TMED3: variants seen among roughly 807,000 people sequenced by gnomAD.
TMED3 encodes the protein transmembrane emp24 domain-containing protein 3.
In TMED3, 9 loss-of-function variants were observed where a neutral mutation model predicts 15.0. That is an observed-to-expected ratio of 0.60 (90% CI 0.36 to 1.04). The LOEUF (loss-of-function observed/expected upper bound fraction) is 1.04, where lower values mean the gene tolerates loss of function less well. Ranked by LOEUF, TMED3 falls within the 50% of genes least tolerant of loss-of-function variation. TMED3 has a pLI of 0.01. For missense variants in TMED3, 267 were observed against 278.9 expected, an observed-to-expected ratio of 0.96 and a Z score of 0.30; for synonymous variants, 117 against 121.4, an observed-to-expected ratio of 0.96 and a Z score of 0.24.
intron 2 of TMED3, among the ~76,000 whole-genome samples, chr15:79,375,423 G>A (rs958453959): frequency 8.5e-5 from 13 of 152,140 alleles, no homozygotes; most frequent in Admixed American, 4.6e-4. Flanking sequence ...ATCTGGAGAG[G>A]TTAGAGTTTA....
chr15:79,403,558 T>C (rs1893862926), intron 2 of TMED3, among the ~76,000 whole-genome samples: 2 of 152,204 alleles, frequency 1.3e-5, no homozygotes, highest in Non-Finnish European at 1.5e-5. Context: ...ATATACTCCT[T>C]TCAGACCTCA....
chr15:79,358,116 G>C (rs1003444423), intron 2 of TMED3, among the ~76,000 whole-genome samples: 3 of 152,358 alleles, frequency 2.0e-5, no homozygotes, highest in East Asian at 1.9e-4. Context: ...GGGAAGACCA[G>C]AGTATGGAGG....
intron 2 of TMED3, among the ~76,000 whole-genome samples, chr15:79,379,250 C>T (rs150113091): frequency 1.3e-4 from 20 of 152,204 alleles, no homozygotes; most frequent in African/African-American, 4.6e-4. Context: ...AATTGTCTTG[C>T]CTGCTTTGTA....
intron 2 of TMED3, chr15:79,314,710 C>G: frequency 2.8e-6 from 1 of 362,946 alleles, no homozygotes; most frequent in South Asian, 2.1e-5. Context: ...GCAAGTAGAG[C>G]CTTAGCAACA....
exon 3 of TMED3, chr15:79,413,039 A>G (rs1894013190): frequency 6.6e-6 from 1 of 152,206 alleles, no homozygotes; most frequent in Admixed American, 6.5e-5. Flanking sequence ...CAAGGTCATC[A>G]AATAGGATAC....
downstream of TMED3, among the ~76,000 whole-genome samples, chr15:79,326,239 G>A (rs1331356361): frequency 6.6e-6 from 1 of 152,190 alleles, no homozygotes; most frequent in Non-Finnish European, 1.5e-5. Flanking sequence ...AATCCAAAAG[G>A]ATATGCTATG....
chr15:79,316,420 C>T (rs1247784925), intron 2 of TMED3, among the ~76,000 whole-genome samples: 1 of 152,164 alleles, frequency 6.6e-6, no homozygotes, highest in Non-Finnish European at 1.5e-5. Context: ...GAGCTACCTC[C>T]CTGGTGATCT....
exon 3 of TMED3, chr15:79,411,715 C>A (rs1893983586): frequency 5.8e-6 from 3 of 521,068 alleles, no homozygotes; most frequent in Non-Finnish European, 1.0e-5. Context: ...GACTCCTTGA[C>A]CACCACAGAC....
At position 79,314,094 on chromosome 15, in the gene TMED3, C is replaced by T; in HGVS notation, c.417+89C>T. 4 of 1,527,062 alleles carry T rather than the reference C, an allele frequency of 2.6e-6. No homozygotes were observed. The South Asian group carries it at 5.1e-5, about 19-fold the overall frequency. 94.6% of individuals were successfully genotyped at this position (1,527,062 alleles called of 1,614,324 possible). A position where few individuals can be genotyped will look rare whatever the true frequency, so the allele number is the denominator to read the frequency against. On this transcript the variant is annotated intron_variant, in intron 2 of 2. Transcript: ENST00000299705. ...TGTCTAGGCTGGTGGTGGGAGTCATCATCCATCCAGCTCCCAGTCTGGAAG... is the reference window on the plus strand; with the variant it reads ...TGTCTAGGCTGGTGGTGGGAGTCATTATCCATCCAGCTCCCAGTCTGGAAG...
chr15:79,382,332 G>C (rs1489616530), intron 2 of TMED3, among the ~76,000 whole-genome samples: 1 of 152,210 alleles, frequency 6.6e-6, no homozygotes, highest in African/African-American at 2.4e-5. Flanking sequence ...TTTCTAGGGA[G>C]GCTATAAGCT....
rs758827521 is a variant in TMED3 at position 79,311,331 on chromosome 15, G to A, written c.82G>A (p.Glu28Lys). The A allele has an allele frequency of 6.2e-7, 1 of 1,610,756 alleles. No homozygotes were observed. The highest frequency in any genetic ancestry group is 8.5e-7 in the Non-Finnish European group (1 of 1,179,028). Residue 28 changes from glutamate to lysine, a missense_variant, in exon 1 of 3, where the codon GAG becomes AAG. This residue lies in a region of TMED3 where 59 missense variants were observed against 47.0 expected (regional missense o/e 1.26). Transcript: ENST00000299705. ...LRRAEQPCGA[E>K]LTFELPDNAK... is the part of the protein sequence containing the mutation. ...CCGGGCCGAGCAGCCCTGCGGGGCC[G>A]AGCTCACCTTCGAGCTGCCGGACAA...
chr15:79,348,893 G>A (rs1465728399), intron 2 of TMED3, among the ~76,000 whole-genome samples: 1 of 152,152 alleles, frequency 6.6e-6, no homozygotes, highest in Non-Finnish European at 1.5e-5. Flanking sequence ...GTACAGTGGT[G>A]CTATCATGGC....
intron 2 of TMED3, among the ~76,000 whole-genome samples, chr15:79,318,946 A>G (rs202244483): frequency 6.6e-6 from 1 of 152,238 alleles, no homozygotes; most frequent in East Asian, 1.9e-4. Flanking sequence ...TTCAATATCA[A>G]ATGTCTGCAG....
At chr15:79,385,993 C>G (rs1446909712) in intron 2 of TMED3, among the ~76,000 whole-genome samples, 1 of 152,202 alleles carries the variant, frequency 6.6e-6, no homozygotes, top group African/African-American at 2.4e-5. Flanking sequence ...CCATGTTCTA[C>G]AACACTAGAC....
chr15:79,403,991 C>CT (rs1893869029), intron 2 of TMED3, among the ~76,000 whole-genome samples: 2 of 152,200 alleles, frequency 1.3e-5, no homozygotes, highest in African/African-American at 2.4e-5. Flanking sequence ...GGCACTTACT[C>CT]TAAGTCTTTA....
At chr15:79,337,049 A>G (rs567410474) in intron 2 of TMED3, among the ~76,000 whole-genome samples, 6 of 152,334 alleles carry the variant, frequency 3.9e-5, no homozygotes, top group African/African-American at 1.2e-4. Context: ...ACCAGAATCT[A>G]TTGGATCTAT....
Position 79,411,641 on chromosome 15 carries a change from G to C in TMED3, c.*137G>C, listed in dbSNP as rs958291639. ...GTCCCCAGTGACTCCAGGGGAACAG[G>C]TGAGTTAAACTGGCAAGGAACAACC... is the stretch of plus-strand genomic sequence containing the variant. On this transcript the variant is annotated 3_prime_UTR_variant, in exon 3 of 3. Coordinates refer to the TMED3 transcript ENST00000424155. 10 of 615,808 alleles carry C rather than the reference G, an allele frequency of 1.6e-5. No homozygotes were observed. In the African/African-American group the frequency reaches 1.8e-4, roughly 11 times the overall value. The allele number at this position is 615,808 out of a possible 1,614,324, so 38.1% of individuals were successfully genotyped here.
chr15:79,368,202 G>A (rs140434583), intron 2 of TMED3, among the ~76,000 whole-genome samples: 5 of 152,210 alleles, frequency 3.3e-5, no homozygotes, highest in Admixed American at 6.6e-5. Context: ...ATTTCTTTCT[G>A]AGGGCCAGCT....
At chr15:79,353,262 T>G (rs1400800948) in intron 2 of TMED3, among the ~76,000 whole-genome samples, 5 of 47,026 alleles carry the variant, frequency 1.1e-4, no homozygotes, top group Admixed American at 4.0e-4. Context: ...ATAATATATA[T>G]TATATATAAT....
Sources: gnomAD v4.1 joint callset for allele counts (sites outside exome capture counted in the v4.1 genomes callset) on GRCh38, gnomAD v4.1.1 for gene constraint, gnomAD v4.1.1 regional missense constraint, MANE v1.5 for transcripts, NCBI Gene and HGNC (gene_info 2026-07-23, HGNC 2026-07-21) for gene names.